Variants in COL27A1 observed in about 807,000 individuals in gnomAD.
COL27A1 encodes the protein collagen alpha-1(XXVII) chain.
COL27A1 carries 106 observed loss-of-function variants against 251.3 expected under a neutral mutation model. The observed-to-expected ratio is 0.42, with a 90% CI of 0.36 to 0.50. The LOEUF (loss-of-function observed/expected upper bound fraction) is 0.50, where lower values mean the gene tolerates loss of function less well. Among genes scored for constraint, COL27A1 ranks in the 20% least tolerant of loss-of-function variants. The pLI, the probability that COL27A1 is intolerant of heterozygous loss-of-function variation, is 0.00. For missense variants in COL27A1, 2,325 were observed against 2,522.8 expected (o/e 0.92, Z 1.68); for synonymous variants, 1,000 against 986.3 (o/e 1.01, Z -0.26).
chr9:114,248,050 C>T (rs1588760977), intron 24 of COL27A1, among the ~76,000 whole-genome samples: 1 of 152,252 alleles, frequency 6.6e-6, no homozygotes, highest in African/African-American at 2.4e-5. Flanking sequence ...AATGAGGAAA[C>T]TGAGGCTCTG....
Position 114,266,595 on chromosome 9 carries a change from C to T in COL27A1, c.3424C>T (p.Pro1142Ser). Residue 1142 changes from proline (P) to serine (S), a missense_variant, in exon 33 of 61, where the codon CCT becomes TCT. Physicochemically the swap from Pro to Ser is moderately conservative, Grantham distance 74 (BLOSUM62 -1). Around this residue, in one of 4 missense-constraint regions of COL27A1, gnomAD observed 662 missense variants for 795.3 expected, o/e 0.83. Coordinates refer to ENST00000356083, the MANE Select transcript of COL27A1 (RefSeq NM_032888.4). ...GPQGPQGPIG[P>S]PGEMGPKGPP... The stretch of plus-strand genomic sequence containing the variant: ...TCAGGGACCCCAGGGGCCAATTGGG[C>T]CTCCAGGAGAGATGGGACCCAAGGT... 1 of 1,613,738 alleles carries T rather than the reference C, an allele frequency of 6.2e-7. No homozygotes were observed. The highest frequency in any genetic ancestry group is 8.5e-7 in the Non-Finnish European group (1 of 1,179,710).
intron 24 of COL27A1, among the ~76,000 whole-genome samples, chr9:114,246,867 T>G (rs540876564): frequency 3.7e-4 from 55 of 149,860 alleles, no homozygotes; most frequent in Non-Finnish European, 6.2e-4. Context: ...ATTTCCTGAT[T>G]GGAAAAAAAA....
At chr9:114,231,923 C>T (rs1736414800) in intron 16 of COL27A1, 57 bp downstream of exon 16, 8 of 1,548,630 alleles carry the variant, frequency 5.2e-6, no homozygotes, top group South Asian at 2.2e-5. Flanking sequence ...CCCCCCTCTC[C>T]GCCCGGAGGC....
chr9:114,276,991 A>C (rs1473553867), intron 37 of COL27A1, among the ~76,000 whole-genome samples: 1 of 152,202 alleles, frequency 6.6e-6, no homozygotes, highest in Admixed American at 6.5e-5. Flanking sequence ...AGAAATGACA[A>C]AGCTGGAATT....
chr9:114,283,641 A>C, intron 39 of COL27A1, 68 bp from the exon 40 acceptor site: 1 of 1,451,828 alleles, frequency 6.9e-7, no homozygotes. Context: ...TGGAGCCTGC[A>C]GGGAGACTGC....
intron 37 of COL27A1, among the ~76,000 whole-genome samples, chr9:114,278,473 G>GTGATGGTGGT (rs1835681343): frequency 1.5e-5 from 2 of 131,654 alleles, no homozygotes; most frequent in Non-Finnish European, 1.7e-5. Context: ...GGTGGTGATG[G>GTGATGGTGGT]TGGTGGTGAT....
intron 1 of COL27A1, among the ~76,000 whole-genome samples, chr9:114,160,178 A>G: frequency 6.7e-6 from 1 of 149,282 alleles, no homozygotes; most frequent in East Asian, 2.0e-4. Context: ...TTTTTGAGGC[A>G]GAGTCTCGCT....
chr9:114,210,714 T>C (rs1830293319), intron 11 of COL27A1, among the ~76,000 whole-genome samples: 1 of 151,670 alleles, frequency 6.6e-6, no homozygotes, highest in African/African-American at 2.4e-5. Flanking sequence ...ATAAGCTGGG[T>C]ATAGAGAACC....
intron 56 of COL27A1, among the ~76,000 whole-genome samples, chr9:114,302,965 G>A (rs1263095943): frequency 1.3e-5 from 2 of 152,120 alleles, no homozygotes; most frequent in Non-Finnish European, 2.9e-5. Context: ...TGAGCCATGC[G>A]TCATTCAGAA....
rs755769703 is a variant in COL27A1, at chr9:114,209,517, G to A, written c.2269-158G>A. ...CCATGGGCATATACACTTGCCTCAAGGCCTATGTCATCGAGGAGCCACCGG... is the reference window on the plus strand; with the variant it reads ...CCATGGGCATATACACTTGCCTCAAAGCCTATGTCATCGAGGAGCCACCGG... On this transcript the variant is annotated intron_variant, in intron 10 of 60. Coordinates refer to ENST00000356083, the MANE Select transcript of COL27A1 (RefSeq NM_032888.4). 1.0e-5 allele frequency: 8 copies of A among 788,806 alleles called. No individual in the cohort carries two copies. The South Asian group carries it at 1.1e-4, about 11-fold the overall frequency. The allele number at this position is 788,806 out of a possible 1,614,324, so 48.9% of individuals were successfully genotyped here.
At chr9:114,289,630 A>C (rs1438519600) in intron 45 of COL27A1, among the ~76,000 whole-genome samples, 2 of 152,292 alleles carry the variant, frequency 1.3e-5, no homozygotes, top group East Asian at 3.9e-4. Flanking sequence ...AAGAGGAGGC[A>C]GAGACAGGGT....
intron 3 of COL27A1, among the ~76,000 whole-genome samples, chr9:114,175,698 G>A (rs929496056): frequency 6.6e-6 from 1 of 152,160 alleles, no homozygotes; most frequent in Non-Finnish European, 1.5e-5. Context: ...CTATTTCTGG[G>A]GCAGAAGACA....
intron 36 of COL27A1, chr9:114,273,767 G>T (rs1490743): frequency 0.083 from 12,576 of 152,162 alleles, 557 homozygotes; most frequent in South Asian, 0.15. Flanking sequence ...AGCCATGCCC[G>T]TGCTGCACTC....
At chr9:114,234,253 T>C (rs7021841) in intron 16 of COL27A1, among the ~76,000 whole-genome samples, 15,097 of 137,628 alleles carry the variant, frequency 0.11, 2,189 homozygotes, top group African/African-American at 0.34. Flanking sequence ...GTTCCCCAAA[T>C]ACCAGGATGT....
At chr9:114,201,253 A>G (rs1829555578) in intron 7 of COL27A1, among the ~76,000 whole-genome samples, 1 of 152,132 alleles carries the variant, frequency 6.6e-6, no homozygotes, top group South Asian at 2.1e-4. Flanking sequence ...CCAGTCAGGC[A>G]CCGATCGCAA....
At position 114,240,273 on chromosome 9, in the gene COL27A1, G is replaced by C; in HGVS notation, c.2781G>C (p.Lys927Asn). Reference protein sequence around the residue: ...PPGDNGPEGMKGKPGARGLPG... With the variant: ...PPGDNGPEGMNGKPGARGLPG... Reference sequence around the variant, plus strand: ...GCGACAATGGCCCAGAAGGCATGAAGGTGAGTACCTGCCCAGGGCAGCTCC... The same window carrying C: ...GCGACAATGGCCCAGAAGGCATGAACGTGAGTACCTGCCCAGGGCAGCTCC... Residue 927 changes from lysine to asparagine, a missense_variant and splice_region_variant, in exon 20 of 61, where the codon AAG becomes AAC. Physicochemically the swap from Lys to Asn is moderately conservative, Grantham distance 94. Coordinates refer to ENST00000356083, the MANE Select transcript of COL27A1 (RefSeq NM_032888.4). 1 of 1,599,190 alleles carries C rather than the reference G, an allele frequency of 6.3e-7. No individual in the cohort carries two copies. Among genetic ancestry groups the C allele is most frequent in the Non-Finnish European group, 8.5e-7 (1 of 1,172,656 alleles).
intron 12 of COL27A1, among the ~76,000 whole-genome samples, chr9:114,214,101 G>A (rs1329325009): frequency 6.6e-6 from 1 of 152,166 alleles, no homozygotes; most frequent in Non-Finnish European, 1.5e-5. Context: ...AGTCCCTACA[G>A]CTTGGTCTCT....
chr9:114,233,746 C>G (rs1462499701), intron 16 of COL27A1, among the ~76,000 whole-genome samples: 1 of 151,720 alleles, frequency 6.6e-6, no homozygotes, highest in Non-Finnish European at 1.5e-5. Context: ...TTGCCTGGGA[C>G]ATTTAGAGAT....
Position 114,258,485 on chromosome 9 carries a change from G to A in COL27A1, c.3142-56G>A, listed in dbSNP as rs74600887. The A allele has an allele frequency of 1.5e-3, 2,319 of 1,537,248 alleles. 26 individuals carry two copies. The East Asian group carries it at 0.037, about 24-fold the overall frequency. ...CTTTGCCCCACACTCCCAGCCCCCCGTGTTGCTCTCACTTCCTAAAAAGGG... is the reference window on the plus strand; with the variant it reads ...CTTTGCCCCACACTCCCAGCCCCCCATGTTGCTCTCACTTCCTAAAAAGGG... On this transcript the variant is annotated intron_variant, in intron 27 of 60. Transcript: ENST00000356083.
Sources: allele counts gnomAD v4.1 joint callset (sites outside exome capture counted in the v4.1 genomes callset), GRCh38; gene constraint gnomAD v4.1.1; regional missense constraint gnomAD v4.1.1; transcripts MANE v1.5; gene names NCBI Gene and HGNC (gene_info 2026-07-23, HGNC 2026-07-21).